MORN1: variants seen among roughly 807,000 people sequenced by gnomAD.
MORN1 encodes the protein MORN repeat-containing protein 1.
Under a neutral mutation model 61.9 loss-of-function variants are expected in MORN1, and 67 were observed. The observed-to-expected ratio is 1.08, with a 90% CI of 0.89 to 1.33. The LOEUF (loss-of-function observed/expected upper bound fraction) is 1.33. Ranked by LOEUF, MORN1 falls within the 40% of genes most tolerant of loss-of-function variation. MORN1 has a pLI of 0.00. For missense variants in MORN1, 752 were observed against 691.2 expected, an observed-to-expected ratio of 1.09 and a Z score of -0.99; for synonymous variants, 301 against 292.0, an observed-to-expected ratio of 1.03 and a Z score of -0.31.
At chr1:2,389,269 CTT>C (rs887779555) in intron 2 of MORN1, among the ~76,000 whole-genome samples, 2 of 152,288 alleles carry the variant, frequency 1.3e-5, no homozygotes, top group South Asian at 4.1e-4. Context: ...TTTATACTTG[CTT>C]TTTTTGTTCT....
chr1:2,340,388 C>T lies in MORN1; in HGVS notation c.1037-3538G>A, dbSNP rs143901194. On this transcript the variant is annotated intron_variant, in intron 10 of 13. Transcript: ENST00000378531. ...GCAGACCTGAGTCCCTCCTCCAGCT[C>T]AGCCTCCCCTTGCTGAGGGGCCTGC... Among the ~76,000 whole-genome samples the T allele has an allele frequency of 6.5e-3, 987 of 152,286 alleles. 13 individuals carry two copies. The highest frequency in any genetic ancestry group is 0.023 in the African/African-American group (939 of 41,544).
intron 10 of MORN1, among the ~76,000 whole-genome samples, chr1:2,349,906 A>G (rs909237180): frequency 1.3e-5 from 2 of 152,242 alleles, no homozygotes; most frequent in Admixed American, 6.5e-5. Context: ...AAAGAAGAAA[A>G]GAAAAGCAAC....
At chr1:2,362,283 C>G (rs1368839704) in intron 8 of MORN1, among the ~76,000 whole-genome samples, 1 of 152,078 alleles carries the variant, frequency 6.6e-6, no homozygotes, top group Non-Finnish European at 1.5e-5. Context: ...TGGATTATCA[C>G]AAAGATCATC....
intron 3 of MORN1, 60 bp from the exon 4 acceptor site, chr1:2,387,589 C>T (rs957539729): frequency 3.9e-5 from 49 of 1,242,102 alleles, no homozygotes; most frequent in Non-Finnish European, 5.4e-5. Context: ...CGGCCCCAGT[C>T]GGCTCTCCTC....
At chr1:2,373,788 C>A (rs1642175887) in intron 7 of MORN1, among the ~76,000 whole-genome samples, 1 of 152,208 alleles carries the variant, frequency 6.6e-6, no homozygotes. Flanking sequence ...GTGCTGAGGG[C>A]AGCAGTTACT....
chr1:2,386,005 T>C, intron 4 of MORN1, 108 bp from the exon 5 acceptor site: 1 of 932,070 alleles, frequency 1.1e-6, no homozygotes, highest in Non-Finnish European at 1.7e-6. Flanking sequence ...GTAGCAAGTC[T>C]AGGAGGCATG....
intron 10 of MORN1, among the ~76,000 whole-genome samples, chr1:2,345,207 C>A (rs1017237060): frequency 1.3e-5 from 2 of 152,262 alleles, no homozygotes; most frequent in East Asian, 1.9e-4. Flanking sequence ...CACCCTCGCA[C>A]AGGCATGGGC....
intron 8 of MORN1, among the ~76,000 whole-genome samples, chr1:2,362,323 G>A (rs1249938966): frequency 6.6e-6 from 1 of 152,212 alleles, no homozygotes; most frequent in Non-Finnish European, 1.5e-5. Flanking sequence ...ATACACTGAG[G>A]AGGAGGAGGA....
At chr1:2,359,662 C>G (rs1365635504) in intron 8 of MORN1, among the ~76,000 whole-genome samples, 1 of 152,184 alleles carries the variant, frequency 6.6e-6, no homozygotes, top group East Asian at 1.9e-4. Flanking sequence ...GCGGGTGGAT[C>G]TCCTGAGGTC....
intron 3 of MORN1, 128 bp downstream of exon 3, chr1:2,388,111 G>A: frequency 2.8e-6 from 2 of 714,124 alleles, no homozygotes; most frequent in South Asian, 3.4e-5. Flanking sequence ...CTTCTCGGTA[G>A]GCCAGGCCTC....
rs754989937 is a variant in MORN1 at position 2,389,958 on chromosome 1, A to G, written c.115T>C (p.Tyr39His). 12 of 1,614,086 alleles carry G rather than the reference A, an allele frequency of 7.4e-6. No individual in the cohort carries two copies. The South Asian group carries it at 7.7e-5, about 10-fold the overall frequency. Residue 39 changes from tyrosine (Y) to histidine (H), a missense_variant, in exon 2 of 14, where the codon TAT becomes CAT. Tyr to His is a moderately conservative substitution (Grantham distance 83, BLOSUM62 2). Coordinates refer to ENST00000378531, the MANE Select transcript of MORN1 (RefSeq NM_024848.3). ...CTCCCTGCTTTCCATTCTCCTTCATATCGAAAGAAGGAATTTGGGTATACG... is the reference window on the plus strand; with the variant it reads ...CTCCCTGCTTTCCATTCTCCTTCATGTCGAAAGAAGGAATTTGGGTATACG... ...VYVYPNSFFR[Y>H]EGEWKAGRKH...
chr1:2,339,722 A>G (rs1641353864), intron 10 of MORN1, among the ~76,000 whole-genome samples: 1 of 151,612 alleles, frequency 6.6e-6, no homozygotes, highest in African/African-American at 2.4e-5. Context: ...CCTTCAGTCC[A>G]TTGTTTACAC....
At chr1:2,354,149 G>T (rs1641710349) in intron 10 of MORN1, among the ~76,000 whole-genome samples, 1 of 152,192 alleles carries the variant, frequency 6.6e-6, no homozygotes. Flanking sequence ...GTCGGGCGAG[G>T]TGTTAGGGTT....
chr1:2,370,733 T>C (rs191664234), intron 8 of MORN1, among the ~76,000 whole-genome samples: 50 of 150,896 alleles, frequency 3.3e-4, no homozygotes, highest in Non-Finnish European at 6.2e-4. Context: ...TAGAGTGTAG[T>C]GGTGCAGTCA....
chr1:2,378,805 T>C, intron 6 of MORN1: 1 of 403,148 alleles, frequency 2.5e-6, no homozygotes, highest in Non-Finnish European at 4.9e-6. Context: ...CAGTAAGCTG[T>C]AAACTAGGAG....
intron 13 of MORN1, among the ~76,000 whole-genome samples, chr1:2,321,808 A>C (rs1352347162): frequency 6.6e-6 from 1 of 152,116 alleles, no homozygotes; most frequent in Non-Finnish European, 1.5e-5. Flanking sequence ...AATTTGGGGT[A>C]AAGGAAACCA....
intron 10 of MORN1, chr1:2,355,386 G>T (rs1641741320): frequency 6.5e-7 from 1 of 1,548,222 alleles, no homozygotes. Flanking sequence ...TTTATATGAT[G>T]AATGACGCCT....
At chr1:2,351,955 C>CT (rs1641658513) in intron 10 of MORN1, 2 of 522,322 alleles carry the variant, frequency 3.8e-6, no homozygotes, top group Admixed American at 4.5e-5. Flanking sequence ...GGGCTTCCCT[C>CT]TGCTCGAGGG....
intron 4 of MORN1, 148 bp downstream of exon 4, chr1:2,387,271 G>A (rs1451122162): frequency 1.0e-5 from 7 of 681,788 alleles, no homozygotes; most frequent in South Asian, 6.5e-5. Flanking sequence ...CTGGTGGTGC[G>A]GAGAAGAGGG....
Sources: allele counts gnomAD v4.1 joint callset (sites outside exome capture counted in the v4.1 genomes callset), GRCh38; gene constraint gnomAD v4.1.1; transcripts MANE v1.5; gene names NCBI Gene and HGNC (gene_info 2026-07-23, HGNC 2026-07-21).